DACH2: variants seen among roughly 807,000 people sequenced by gnomAD.
DACH2 encodes dachshund homolog 2.
A neutral mutation model predicts 35.8 loss-of-function variants in DACH2; 17 were observed. The ratio of observed to expected loss-of-function variants is 0.48; its 90% CI spans 0.33 to 0.71. The LOEUF (loss-of-function observed/expected upper bound fraction) is 0.71. DACH2 is among the 30% of genes least tolerant of loss of function. The pLI is 0.02. For synonymous variants in DACH2, 195 were observed against 177.3 expected (o/e 1.10, Z -0.79); for missense variants, 469 against 472.7 (o/e 0.99, Z 0.07).
At chrX:86,533,668 A>C (rs868816063) in intron 3 of DACH2, among the ~76,000 whole-genome samples, 9 of 112,393 alleles carry the variant, frequency 8.0e-5, no homozygotes, top group Middle Eastern at 4.6e-3. Flanking sequence ...CTTTAAAGTA[A>C]AAGTAAAATA....
At chrX:86,239,430 A>G (rs912853806) in intron 1 of DACH2, among the ~76,000 whole-genome samples, 10 of 112,080 alleles carry the variant, frequency 8.9e-5, no homozygotes, top group African/African-American at 2.9e-4. Flanking sequence ...TTACTGACCT[A>G]TATCTAAATA....
rs184697341 is a variant in DACH2 at position 86,654,544 on chromosome X, C to T, written c.772+3377C>T. Reference sequence around the variant, plus strand: ...GACTTTTTTCTACATAGCCTGGATGCAATTTTCTGGGGAATCAATGGAAAA... The same window carrying T: ...GACTTTTTTCTACATAGCCTGGATGTAATTTTCTGGGGAATCAATGGAAAA... On this transcript the variant is annotated intron_variant, in intron 4 of 11. Transcript: ENST00000373125. Among the ~76,000 whole-genome samples, 3 of 111,010 alleles carry T rather than the reference C, an allele frequency of 2.7e-5. No homozygotes were observed. In the East Asian group the frequency reaches 8.5e-4, roughly 31 times the overall value.
intron 3 of DACH2, among the ~76,000 whole-genome samples, chrX:86,623,026 G>A (rs7062854): frequency 0.13 from 14,353 of 111,027 alleles, 809 homozygotes; most frequent in East Asian, 0.3. Flanking sequence ...TTATTAAATG[G>A]TAAATTCATT....
chrX:86,663,811 A>G (rs1368344638), intron 4 of DACH2, among the ~76,000 whole-genome samples: 1 of 111,363 alleles, frequency 9.0e-6, no homozygotes, highest in Non-Finnish European at 1.9e-5. Flanking sequence ...TTTTTTTTCT[A>G]CATGAATTAA....
At chrX:86,229,706 G>A (rs1348160958) in intron 1 of DACH2, among the ~76,000 whole-genome samples, 1 of 64,841 alleles carries the variant, frequency 1.5e-5, no homozygotes. Flanking sequence ...ATATTCCTAA[G>A]TATTTTTTTT....
chrX:86,760,712 T>C (rs1475549543), intron 7 of DACH2, among the ~76,000 whole-genome samples: 1 of 111,822 alleles, frequency 8.9e-6, no homozygotes, highest in Admixed American at 9.5e-5. Context: ...TAAATTTCTT[T>C]TTTATTTGGA....
chrX:86,797,755 C>T (rs993220973), intron 7 of DACH2, among the ~76,000 whole-genome samples: 3 of 111,510 alleles, frequency 2.7e-5, no homozygotes, highest in Admixed American at 9.6e-5. Context: ...AAGGGTGTCA[C>T]ACAGAGAATG....
intron 1 of DACH2, among the ~76,000 whole-genome samples, chrX:86,336,008 A>G (rs1334467018): frequency 8.9e-6 from 1 of 111,882 alleles, no homozygotes; most frequent in Non-Finnish European, 1.9e-5. Context: ...TGAGATAATC[A>G]TGTGGTTTTT....
intron 11 of DACH2, among the ~76,000 whole-genome samples, chrX:86,818,394 T>C (rs763270447): frequency 9.0e-6 from 1 of 111,332 alleles, no homozygotes; most frequent in Admixed American, 9.6e-5. Context: ...GTCAAATAAT[T>C]ATCTAAAAAT....
intron 7 of DACH2, among the ~76,000 whole-genome samples, chrX:86,763,703 C>T (rs774586626): frequency 1.7e-4 from 19 of 111,334 alleles, no homozygotes; most frequent in Middle Eastern, 9.3e-3. Context: ...CCACCTGCCT[C>T]GGCCTCCCAG....
intron 2 of DACH2, among the ~76,000 whole-genome samples, chrX:86,513,906 C>T (rs1437769046): frequency 1.8e-5 from 2 of 111,800 alleles, no homozygotes; most frequent in African/African-American, 6.5e-5. Context: ...TCTATATAAT[C>T]TTAATTCTGT....
chrX:86,592,779 C>T (rs6623728), intron 3 of DACH2, among the ~76,000 whole-genome samples: 15,807 of 110,669 alleles, frequency 0.14, 960 homozygotes, highest in East Asian at 0.3. Flanking sequence ...ATTTTTGGTG[C>T]GGATGTAAAG....
chrX:86,571,380 T>C (rs1292096156), intron 3 of DACH2, among the ~76,000 whole-genome samples: 2 of 110,568 alleles, frequency 1.8e-5, no homozygotes, highest in Non-Finnish European at 3.8e-5. Flanking sequence ...ATGTGCCATG[T>C]TGGTGTGCTG....
intron 4 of DACH2, among the ~76,000 whole-genome samples, chrX:86,688,888 T>G (rs2040978329): frequency 8.9e-6 from 1 of 112,246 alleles, no homozygotes; most frequent in Non-Finnish European, 1.9e-5. Flanking sequence ...ACTTGTAATG[T>G]GATTATTGCA....
chrX:86,660,675 T>C lies in DACH2; in HGVS notation c.772+9508T>C, dbSNP rs1290319239. 8.1e-5 allele frequency among the ~76,000 whole-genome samples: 9 copies of C among 111,596 alleles called. No individual in the cohort carries two copies. The Admixed American group carries it at 8.6e-4, about 11-fold the overall frequency. ...AACATGACAAAATATTCAATAGTAATTTGCTTAATACAATGCCAGATTTCA... is the reference window on the plus strand; with the variant it reads ...AACATGACAAAATATTCAATAGTAACTTGCTTAATACAATGCCAGATTTCA... On this transcript the variant is annotated intron_variant, in intron 4 of 11. Transcript: ENST00000373125.
chrX:86,701,990 A>C (rs1219609735), intron 5 of DACH2, among the ~76,000 whole-genome samples: 1 of 111,675 alleles, frequency 9.0e-6, no homozygotes, highest in Non-Finnish European at 1.9e-5. Flanking sequence ...TATATAACAA[A>C]TCTACACATA....
chrX:86,543,411 A>G (rs2038912772), intron 3 of DACH2, among the ~76,000 whole-genome samples: 1 of 112,013 alleles, frequency 8.9e-6, no homozygotes, highest in Non-Finnish European at 1.9e-5. Flanking sequence ...CACAAGTCAA[A>G]AAGACAGAAT....
intron 2 of DACH2, among the ~76,000 whole-genome samples, chrX:86,388,320 CTT>C (rs1284698322): frequency 3.6e-5 from 4 of 111,904 alleles, no homozygotes; most frequent in African/African-American, 9.7e-5. Flanking sequence ...GAAAGGATCT[CTT>C]TTATAAAATT....
chrX:86,175,219 G>A (rs988257069), intron 1 of DACH2, among the ~76,000 whole-genome samples: 23 of 112,025 alleles, frequency 2.1e-4, no homozygotes, highest in African/African-American at 7.5e-4. Flanking sequence ...GGAAAAGTAA[G>A]AGAGAATTAT....
Sources: allele counts gnomAD v4.1 joint callset (sites outside exome capture counted in the v4.1 genomes callset), GRCh38; gene constraint gnomAD v4.1.1; transcripts MANE v1.5; gene names NCBI Gene and HGNC (gene_info 2026-07-23, HGNC 2026-07-21).